Variants in CHN1 observed in about 807,000 individuals in gnomAD.
CHN1 encodes N-chimaerin.
A neutral mutation model predicts 59.5 loss-of-function variants in CHN1; 37 were observed. The ratio of observed to expected loss-of-function variants is 0.62; its 90% CI spans 0.48 to 0.82. CHN1 has a LOEUF of 0.82. CHN1 is among the 40% of genes least tolerant of loss of function. The probability of loss-of-function intolerance (pLI) is 0.00; values close to 1 mark genes in which losing one functional copy is unlikely to be tolerated. For synonymous variants in CHN1, 206 were observed against 200.4 expected (o/e 1.03, Z -0.24); for missense variants, 469 against 571.0 (o/e 0.82, Z 1.82).
chr2:174,976,506 T>C (rs1445646603), intron 1 of CHN1, among the ~76,000 whole-genome samples: 2 of 152,098 alleles, frequency 1.3e-5, no homozygotes, highest in African/African-American at 2.4e-5. Flanking sequence ...CCCAAAGTGC[T>C]GGATTACAGG....
At position 174,878,044 on chromosome 2, in the gene CHN1, A is replaced by G; in HGVS notation, c.345T>C (p.Asp115=). Residue 115 remains aspartate, a synonymous_variant, in exon 6 of 13, where the codon GAT becomes GAC. Transcript: ENST00000409900. ...GAGTAATCAAGCCATCAGTCACCAG[A>G]TCGTGGATGGACTCAAAGCGTTTCT... ...VGEKRFESIH[D]LVTDGLITLY... is the part of the protein sequence containing the mutation. The G allele has an allele frequency of 6.2e-7, 1 of 1,600,798 alleles. No individual in the cohort carries two copies. The highest frequency in any genetic ancestry group is 8.6e-7 in the Non-Finnish European group (1 of 1,168,004).
At chr2:175,001,808 C>T (rs1031281445) in intron 1 of CHN1, among the ~76,000 whole-genome samples, 5 of 152,184 alleles carry the variant, frequency 3.3e-5, no homozygotes, top group African/African-American at 1.2e-4. Flanking sequence ...TGCTTATTCA[C>T]CCAGCTCTGC....
intron 4 of CHN1, among the ~76,000 whole-genome samples, chr2:174,915,500 C>T (rs1688819866): frequency 2.2e-5 from 3 of 139,518 alleles, no homozygotes; most frequent in African/African-American, 8.1e-5. Context: ...AACCATATGG[C>T]TTGCTAAAGA....
At chr2:174,828,426 G>A (rs1001498766) in intron 7 of CHN1, among the ~76,000 whole-genome samples, 2 of 152,014 alleles carry the variant, frequency 1.3e-5, no homozygotes, top group African/African-American at 2.4e-5. Context: ...TTACATTATC[G>A]GTGATGTTTA....
intron 3 of CHN1, among the ~76,000 whole-genome samples, chr2:174,923,299 C>T (rs1200646928): frequency 6.6e-6 from 1 of 152,080 alleles, no homozygotes; most frequent in African/African-American, 2.4e-5. Flanking sequence ...CGCCACCATG[C>T]CTGGCTAATT....
chr2:174,962,112 C>T (rs1025463992), intron 1 of CHN1, among the ~76,000 whole-genome samples: 1 of 152,068 alleles, frequency 6.6e-6, no homozygotes, highest in Non-Finnish European at 1.5e-5. Context: ...TGGTGAAACC[C>T]CGTCTCTACT....
chr2:174,834,576 G>A (rs1365235282), intron 7 of CHN1, among the ~76,000 whole-genome samples: 1 of 152,140 alleles, frequency 6.6e-6, no homozygotes, highest in Non-Finnish European at 1.5e-5. Context: ...GTCCTTTGAA[G>A]ATGTCACTCC....
rs184055025 is a variant in CHN1, at chr2:174,829,054, A to G, written c.628-4536T>C. Reference sequence around the variant, plus strand: ...GTCCATCTCGACAAATGAAAGTGACAGAGTATAAGGCATGAATTACACTTT... The same window carrying G: ...GTCCATCTCGACAAATGAAAGTGACGGAGTATAAGGCATGAATTACACTTT... On this transcript the variant is annotated intron_variant, in intron 7 of 12. Transcript: ENST00000409900. 2.3e-4 allele frequency among the ~76,000 whole-genome samples: 35 copies of G among 152,358 alleles called. No individual in the cohort carries two copies. In the East Asian group the frequency reaches 6.4e-3, roughly 28 times the overall value.
rs574169992 is a variant in CHN1, at chr2:174,979,538, G to A, written c.19+25356C>T. On this transcript the variant is annotated intron_variant, in intron 1 of 12. Coordinates refer to ENST00000409900, the MANE Select transcript of CHN1 (RefSeq NM_001822.7). ...AATATTTAAGATGTACATAGGGCTGGGCGCGGTGGCTCATGCCTGTAATCC... is the reference window on the plus strand; with the variant it reads ...AATATTTAAGATGTACATAGGGCTGAGCGCGGTGGCTCATGCCTGTAATCC... Among the ~76,000 whole-genome samples, 40 of 152,248 alleles carry A rather than the reference G, an allele frequency of 2.6e-4. 1 individual carries two copies. The South Asian group carries it at 3.1e-3, about 12-fold the overall frequency.
intron 2 of CHN1, among the ~76,000 whole-genome samples, chr2:174,945,896 A>T (rs1040139084): frequency 2.6e-5 from 4 of 151,764 alleles, no homozygotes; most frequent in Non-Finnish European, 5.9e-5. Flanking sequence ...CTATACACAC[A>T]TACATAATTA....
intron 7 of CHN1, among the ~76,000 whole-genome samples, chr2:174,830,332 C>A (rs1171824238): frequency 6.6e-6 from 1 of 152,164 alleles, no homozygotes; most frequent in Non-Finnish European, 1.5e-5. Context: ...GAATACATAA[C>A]ACTGGCTATG....
intron 7 of CHN1, among the ~76,000 whole-genome samples, chr2:174,832,305 T>C (rs1377833840): frequency 2.0e-5 from 3 of 152,098 alleles, no homozygotes; most frequent in Admixed American, 6.5e-5. Context: ...TCTTTTTCAC[T>C]GATTGCTGCT....
At chr2:174,962,045 G>A (rs1690426690) in intron 1 of CHN1, among the ~76,000 whole-genome samples, 3 of 152,118 alleles carry the variant, frequency 2.0e-5, no homozygotes, top group Admixed American at 2.0e-4. Context: ...ACAGCACTTT[G>A]TTAGGCCGAG....
Position 174,812,492 on chromosome 2 carries a change from G to A in CHN1, c.713-10C>T, listed in dbSNP as rs1403917358. 1 of 1,613,150 alleles carries A rather than the reference G, an allele frequency of 6.2e-7. No homozygotes were observed. The highest frequency in any genetic ancestry group is 2.2e-5 in the East Asian group (1 of 44,870). On this transcript the variant is annotated splice_polypyrimidine_tract_variant and intron_variant, in intron 8 of 12. Coordinates refer to ENST00000409900, the MANE Select transcript of CHN1 (RefSeq NM_001822.7). ...ACATTCAAACCACAATCTAAGAAAA[G>A]AATAAAGAAAGGAAACATTCAATAT...
intron 6 of CHN1, among the ~76,000 whole-genome samples, chr2:174,855,230 T>C (rs1311937059): frequency 1.3e-5 from 2 of 152,158 alleles, no homozygotes; most frequent in Non-Finnish European, 2.9e-5. Context: ...AACATCAAGG[T>C]GATACCATAG....
At chr2:174,876,157 A>G (rs1272725796) in intron 6 of CHN1, among the ~76,000 whole-genome samples, 1 of 152,204 alleles carries the variant, frequency 6.6e-6, no homozygotes, top group African/African-American at 2.4e-5. Flanking sequence ...ATCTCTGTGA[A>G]TATCAGTTCC....
At chr2:174,915,959 C>T (rs1688836639) in intron 4 of CHN1, among the ~76,000 whole-genome samples, 1 of 152,208 alleles carries the variant, frequency 6.6e-6, no homozygotes, top group Non-Finnish European at 1.5e-5. Flanking sequence ...GAATTCAGGA[C>T]ATGTCACCCC....
chr2:174,971,025 T>A (rs1042954095), intron 1 of CHN1, among the ~76,000 whole-genome samples: 1 of 152,208 alleles, frequency 6.6e-6, no homozygotes, highest in Non-Finnish European at 1.5e-5. Flanking sequence ...TTTAAAAATA[T>A]AGTCATTTTT....
At chr2:174,923,144 T>C (rs1257959649) in intron 3 of CHN1, among the ~76,000 whole-genome samples, 1 of 152,062 alleles carries the variant, frequency 6.6e-6, no homozygotes, top group African/African-American at 2.4e-5. Flanking sequence ...TATAATTTTT[T>C]TTTTTTTTCT....
Sources: allele counts gnomAD v4.1 joint callset (sites outside exome capture counted in the v4.1 genomes callset), GRCh38; gene constraint gnomAD v4.1.1; transcripts MANE v1.5; gene names NCBI Gene and HGNC (gene_info 2026-07-23, HGNC 2026-07-21).